Variants in ANKRD36 observed in about 807,000 individuals in gnomAD.
ANKRD36 encodes ankyrin repeat domain 36.
A neutral mutation model predicts 278.1 loss-of-function variants in ANKRD36; 179 were observed. That is an observed-to-expected ratio of 0.64 (90% CI 0.57 to 0.73). ANKRD36 has a LOEUF of 0.73. Among genes scored for constraint, ANKRD36 ranks in the 30% least tolerant of loss-of-function variants. The pLI is 0.00. For synonymous variants in ANKRD36, 320 were observed against 641.1 expected (o/e 0.50, Z 7.57); for missense variants, 1,159 against 1,956.7 (o/e 0.59, Z 7.69).
chr2:97,129,697 C>T (rs1396084804), intron 6 of ANKRD36, among the ~76,000 whole-genome samples: 43 of 152,010 alleles, frequency 2.8e-4, no homozygotes, highest in Admixed American at 1.9e-3. Flanking sequence ...TATGGCTAGC[C>T]AGTTTTCCCA....
chr2:97,196,746 G>A lies in ANKRD36; in HGVS notation c.2611G>A (p.Gly871Ser), dbSNP rs760401968. 15 of 1,554,748 alleles carry A rather than the reference G, an allele frequency of 9.6e-6. No homozygotes were observed. The highest frequency in any genetic ancestry group is 7.3e-5 in the East Asian group (3 of 41,242). ...AAGTGACGAGGAAGATTCTGTTTTG[G>A]GTATAGCCAGAGAAAACAAGGATGG... Reference protein sequence around the residue: ...GTSDEEDSVLGIARENKDGEK... With the variant: ...GTSDEEDSVLSIARENKDGEK... The change falls in exon 42 of 76, where the codon GGT becomes AGT. Residue 871 changes from glycine (G) to serine (S), a missense_variant. Physicochemically the swap from Gly to Ser is moderately conservative, Grantham distance 56 (BLOSUM62 0). Transcript: ENST00000420699.
chr2:97,168,154 C>T (rs1376319628), intron 22 of ANKRD36, among the ~76,000 whole-genome samples: 1 of 152,310 alleles, frequency 6.6e-6, no homozygotes, highest in African/African-American at 2.4e-5. Context: ...TGTGTTAGAA[C>T]TTCATCTTCT....
chr2:97,117,477 A>C (rs1276116119), intron 1 of ANKRD36, among the ~76,000 whole-genome samples: 3 of 152,196 alleles, frequency 2.0e-5, no homozygotes, highest in Non-Finnish European at 2.9e-5. Context: ...AAATGTAATA[A>C]ACAATTAATT....
At chr2:97,116,119 A>G (rs1422596106) in intron 1 of ANKRD36, among the ~76,000 whole-genome samples, 1 of 152,158 alleles carries the variant, frequency 6.6e-6, no homozygotes, top group Non-Finnish European at 1.5e-5. Flanking sequence ...GTATTGTGAT[A>G]TTTTCTCTTA....
At chr2:97,124,300 A>G (rs1206815051) in intron 4 of ANKRD36, among the ~76,000 whole-genome samples, 160 bp from the exon 5 acceptor site, 1 of 152,006 alleles carries the variant, frequency 6.6e-6, no homozygotes, top group Non-Finnish European at 1.5e-5. Flanking sequence ...CTTTGTGGTA[A>G]CTTGCAAAGA....
intron 67 of ANKRD36, among the ~76,000 whole-genome samples, chr2:97,233,010 A>T (rs1436867290): frequency 2.1e-3 from 4 of 1,892 alleles, no homozygotes; most frequent in Middle Eastern, 0.17. Flanking sequence ...CATGTGATTT[A>T]AAAAAAAAAA....
At chr2:97,202,120 G>A (rs1353322875) in intron 46 of ANKRD36, 82 bp from the exon 47 acceptor site, 19 of 1,591,828 alleles carry the variant, frequency 1.2e-5, no homozygotes, top group Non-Finnish European at 8.5e-7. Context: ...GAGGACAGAG[G>A]TTGATTCTAA....
chr2:97,222,075 G>T (rs1280947564), intron 66 of ANKRD36, among the ~76,000 whole-genome samples: 1 of 151,834 alleles, frequency 6.6e-6, no homozygotes, highest in Non-Finnish European at 1.5e-5. Flanking sequence ...GTTTGTCAAA[G>T]ATCAGATAGT....
At chr2:97,188,614 T>G (rs11903829) in intron 32 of ANKRD36, among the ~76,000 whole-genome samples, 3,463 of 89,490 alleles carry the variant, frequency 0.039, 614 homozygotes, top group African/African-American at 0.085. Context: ...TTCAACTGAA[T>G]TGTCGTGGTA....
At chr2:97,204,707 C>T (rs1197870947) in intron 50 of ANKRD36, among the ~76,000 whole-genome samples, 6 of 151,572 alleles carry the variant, frequency 4.0e-5, no homozygotes, top group African/African-American at 1.5e-4. Flanking sequence ...AACAGTTTTC[C>T]TAAGGAAGAC....
At chr2:97,201,552 A>G (rs554782806) in intron 46 of ANKRD36, among the ~76,000 whole-genome samples, 1 of 151,928 alleles carries the variant, frequency 6.6e-6, no homozygotes, top group African/African-American at 2.4e-5. Flanking sequence ...CCATGAGTGG[A>G]TGAAGAAACT....
intron 42 of ANKRD36, among the ~76,000 whole-genome samples, chr2:97,197,784 C>T (rs2060190370): frequency 6.6e-6 from 1 of 151,868 alleles, no homozygotes; most frequent in African/African-American, 2.4e-5. Flanking sequence ...TTTATTGAGG[C>T]TAAGATACTA....
At chr2:97,176,061 G>A (rs1256754578) in intron 22 of ANKRD36, among the ~76,000 whole-genome samples, 2 of 151,682 alleles carry the variant, frequency 1.3e-5, no homozygotes, top group Admixed American at 6.6e-5. Flanking sequence ...GGTCAATTTT[G>A]GAATAGGTGT....
At chr2:97,146,311 T>C (rs1574901764) in intron 10 of ANKRD36, among the ~76,000 whole-genome samples, 175 bp from the exon 11 acceptor site, 1 of 151,072 alleles carries the variant, frequency 6.6e-6, no homozygotes, top group Non-Finnish European at 1.5e-5. Context: ...AAAGATAGCG[T>C]GTTTCTGTGC....
intron 52 of ANKRD36, among the ~76,000 whole-genome samples, chr2:97,207,046 A>G (rs1171059155): frequency 6.6e-6 from 1 of 151,610 alleles, no homozygotes; most frequent in Non-Finnish European, 1.5e-5. Context: ...TTCTGAATGA[A>G]AAACTGATCA....
chr2:97,202,059 A>G (rs1289048048), intron 46 of ANKRD36, 143 bp from the exon 47 acceptor site: 26 of 1,507,402 alleles, frequency 1.7e-5, no homozygotes, highest in Non-Finnish European at 2.3e-5. Flanking sequence ...GTCACGTTCT[A>G]GTCCCCAGAC....
intron 34 of ANKRD36, among the ~76,000 whole-genome samples, chr2:97,190,657 G>T (rs2058326879): frequency 6.6e-6 from 1 of 151,486 alleles, no homozygotes; most frequent in Non-Finnish European, 1.5e-5. Flanking sequence ...TCACGTGTAT[G>T]AGTTGCTCCT....
chr2:97,216,926 G>A (rs1198577192), intron 62 of ANKRD36: 1 of 934,298 alleles, frequency 1.1e-6, no homozygotes, highest in East Asian at 2.9e-5. Context: ...TATTGACACG[G>A]TTTTATTTTA....
chr2:97,206,748 C>G (rs186965979), intron 52 of ANKRD36, among the ~76,000 whole-genome samples: 1 of 151,454 alleles, frequency 6.6e-6, no homozygotes, highest in Non-Finnish European at 1.5e-5. Context: ...AAGAAGGAAG[C>G]AATCCTAGAA....
Sources: gnomAD v4.1 joint callset for allele counts (sites outside exome capture counted in the v4.1 genomes callset) on GRCh38, gnomAD v4.1.1 for gene constraint, MANE v1.5 for transcripts, NCBI Gene and HGNC (gene_info 2026-07-23, HGNC 2026-07-21) for gene names.